The following FOXRED2 variants were observed in gnomAD, a reference collection of about 807,000 sequenced individuals.
FOXRED2 encodes the protein FAD-dependent oxidoreductase domain-containing protein 2.
In FOXRED2, 32 loss-of-function variants were observed where a neutral mutation model predicts 52.5. That is an observed-to-expected ratio of 0.61 (90% confidence interval 0.46 to 0.82). FOXRED2 has a LOEUF of 0.82. Ranked by LOEUF, FOXRED2 falls within the 40% of genes least tolerant of loss-of-function variation. The pLI is 0.00. For missense variants in FOXRED2, 848 were observed against 937.5 expected, an observed-to-expected ratio of 0.90 and a Z score of 1.25; for synonymous variants, 405 against 398.1, an observed-to-expected ratio of 1.02 and a Z score of -0.21.
chr22:36,501,996 G>A (rs1934065961), intron 4 of FOXRED2, among the ~76,000 whole-genome samples: 2 of 151,654 alleles, frequency 1.3e-5, no homozygotes, highest in South Asian at 2.1e-4. Flanking sequence ...AAACCCTGTC[G>A]CTATGAAAAA....
chr22:36,501,197 G>A lies in FOXRED2; in HGVS notation c.1216+44C>T, dbSNP rs1934031954. 1.9e-6 allele frequency: 3 copies of A among 1,597,572 alleles called. No individual in the cohort carries two copies. The Middle Eastern group carries it at 6.1e-4, about 325-fold the overall frequency. ...ATTTATAAACCCTGGGATGCTGAGAGTGGTTCCGTCTGGGGACAGTTCTGC... is the reference window on the plus strand; with the variant it reads ...ATTTATAAACCCTGGGATGCTGAGAATGGTTCCGTCTGGGGACAGTTCTGC... On this transcript the variant is annotated intron_variant, in intron 5 of 8. Coordinates refer to ENST00000397224, the MANE Select transcript of FOXRED2 (RefSeq NM_001102371.2).
Position 36,490,826 on chromosome 22 carries a change from C to T in FOXRED2, c.1796-559G>A, listed in dbSNP as rs560756457. The stretch of plus-strand genomic sequence containing the variant: ...AGCTGGTGCATGAATCAAATTTGGT[C>T]AATCATAAGATAGCTGTGGATACTT... On this transcript the variant is annotated intron_variant, in intron 8 of 8. Coordinates refer to ENST00000397224, the MANE Select transcript of FOXRED2 (RefSeq NM_001102371.2). Among the ~76,000 whole-genome samples, 3 of 152,274 alleles carry T rather than the reference C, an allele frequency of 2.0e-5. No homozygotes were observed. In the South Asian group the frequency reaches 6.2e-4, roughly 32 times the overall value.
intron 7 of FOXRED2, 26 bp downstream of exon 7, chr22:36,495,941 T>C (rs960779873): frequency 1.9e-6 from 3 of 1,609,260 alleles, no homozygotes; most frequent in South Asian, 1.1e-5. Context: ...AGCCCACAGG[T>C]TGGGGAAGGG....
chr22:36,492,412 G>A (rs1933780113), intron 8 of FOXRED2, among the ~76,000 whole-genome samples: 1 of 152,228 alleles, frequency 6.6e-6, no homozygotes, highest in African/African-American at 2.4e-5. Context: ...GTCAAACAGT[G>A]TCTAGAAAGT....
rs1441388143 is a variant in FOXRED2, at chr22:36,504,534, G to A, written c.760C>T (p.His254Tyr). The change falls in exon 3 of 9, where the codon CAC becomes TAC. Residue 254 changes from histidine to tyrosine, a missense_variant. Physicochemically the swap from His to Tyr is moderately conservative, Grantham distance 83. Transcript: ENST00000397224. ...GCCTACCTGAGGTCTCCAACGTAGT[G>A]GGTGGCCCAGGACAGACGGACCCGG... ...RSRVRLSWAT[H>Y]YVGDLRAINN... 1.2e-6 allele frequency: 2 copies of A among 1,614,024 alleles called. No homozygotes were observed. Among genetic ancestry groups the A allele is most frequent in the African/African-American group, 1.3e-5 (1 of 74,914 alleles).
At chr22:36,496,735 C>A (rs904227551) in intron 6 of FOXRED2, among the ~76,000 whole-genome samples, 2 of 152,204 alleles carry the variant, frequency 1.3e-5, no homozygotes, top group African/African-American at 4.8e-5. Context: ...AGACGCCAGG[C>A]CAAGTGGGGC....
Position 36,498,083 on chromosome 22 carries a change from T to G in FOXRED2, c.1290A>C (p.Thr430=). Residue 430 remains threonine, a synonymous_variant, in exon 6 of 9, where the codon ACA becomes ACC. Transcript: ENST00000397224. ...GCCGCACGATGGAGCTGGTCAGCTG[T>G]GTGATGGGGAGCTCAGTGGCGGGCC... The part of the protein sequence containing the change: ...VTWPATELPI[T]QLTSSIVRRV... 1.9e-6 allele frequency: 3 copies of G among 1,613,790 alleles called. No homozygotes were observed. The highest frequency in any genetic ancestry group is 2.5e-6 in the Non-Finnish European group (3 of 1,179,996).
In FOXRED2 at chr22:36,490,132, T is replaced by C. The variant is rs377753451; in HGVS notation, c.1931A>G (p.Tyr644Cys). The change falls in exon 9 of 9, where the codon TAT becomes TGT. Residue 644 changes from tyrosine (Y) to cysteine (C), a missense_variant. Physicochemically the swap from Tyr to Cys is radical, Grantham distance 194. Transcript: ENST00000397224. The part of the protein sequence containing the change: ...HRVESRLLRD[Y>C]APTGRRLEDS... ...CTCCAGGCGCCTGCCTGTGGGGGCA[T>C]AGTCCCGCAGGAGCCTGCTCTCCAC... is the stretch of plus-strand genomic sequence containing the variant. 48 of 1,613,882 alleles carry C rather than the reference T, an allele frequency of 3.0e-5. No homozygotes were observed. The highest frequency in any genetic ancestry group is 1.3e-4 in the East Asian group (6 of 44,890).
intron 3 of FOXRED2, 37 bp downstream of exon 3, chr22:36,504,478 T>C: frequency 6.2e-7 from 1 of 1,612,038 alleles, no homozygotes; most frequent in Non-Finnish European, 8.5e-7. Flanking sequence ...CACTCTGGGC[T>C]CCCAGCACAG....
At position 36,505,958 on chromosome 22, in the gene FOXRED2, T is replaced by A; in HGVS notation, c.465A>T (p.Arg155=). The change falls in exon 2 of 9, where the codon CGA becomes CGT. Residue 155 remains arginine, a synonymous_variant. Coordinates refer to ENST00000397224, the MANE Select transcript of FOXRED2 (RefSeq NM_001102371.2). ...TIAHVTLDKD[R]QAWNGHYFIL... ...TGAAGTAGTGGCCATTCCAGGCCTGTCGGTCCTTGTCCAGAGTGACGTGGG... is the reference window on the plus strand; with the variant it reads ...TGAAGTAGTGGCCATTCCAGGCCTGACGGTCCTTGTCCAGAGTGACGTGGG... The A allele has an allele frequency of 6.2e-7, 1 of 1,614,242 alleles. No homozygotes were observed. Among genetic ancestry groups the A allele is most frequent in the South Asian group, 1.1e-5 (1 of 91,088 alleles).
chr22:36,505,398 C>A (rs896899891), intron 2 of FOXRED2, among the ~76,000 whole-genome samples: 1 of 152,196 alleles, frequency 6.6e-6, no homozygotes, highest in African/African-American at 2.4e-5. Flanking sequence ...TGAGGATCGC[C>A]ATCCAGGGGA....
chr22:36,505,856 G>T, intron 2 of FOXRED2, 40 bp downstream of exon 2: 1 of 1,591,430 alleles, frequency 6.3e-7, no homozygotes. Context: ...GTGTGGGGAA[G>T]GTCCCAGCTT....
At chr22:36,492,741 C>T (rs895791227) in intron 8 of FOXRED2, among the ~76,000 whole-genome samples, 2 of 152,210 alleles carry the variant, frequency 1.3e-5, no homozygotes, top group Non-Finnish European at 2.9e-5. Flanking sequence ...TGGTCTCGAA[C>T]TCCTGACCTC....
rs777863806 is a variant in FOXRED2 at position 36,505,902 on chromosome 22, T to G, written c.521A>C (p.Gln174Pro). 1.2e-6 allele frequency: 2 copies of G among 1,611,852 alleles called. No homozygotes were observed. The highest frequency in any genetic ancestry group is 1.1e-5 in the South Asian group (1 of 91,058). ...ILTDQKGQVH[Q>P]CSVLFVATGL... ...GCTCTGGCACCGGCCTTACCTGCAC[T>G]GATGCACCTGGCCCTTCTGGTCAGT... Residue 174 changes from glutamine to proline, a missense_variant, in exon 2 of 9, where the codon CAG (glutamine) becomes CCG (proline). Gln to Pro is a moderately conservative substitution (Grantham distance 76, BLOSUM62 -1). Transcript: ENST00000397224.
intron 5 of FOXRED2, among the ~76,000 whole-genome samples, chr22:36,498,885 C>G (rs1353185596): frequency 6.6e-6 from 1 of 151,610 alleles, no homozygotes; most frequent in African/African-American, 2.4e-5. Context: ...GGTCCCTACA[C>G]TTATTATTGT....
chr22:36,497,179 CA>C lies in FOXRED2; in HGVS notation c.1382+811del, dbSNP rs200350300. On this transcript the variant is annotated intron_variant, in intron 6 of 8. Coordinates refer to ENST00000397224, the MANE Select transcript of FOXRED2 (RefSeq NM_001102371.2). ...GGCAAGACATAGTGAGACTCTGAGT[CA>C]AAAAAAAAAATTAGCCAGGCATGGT... is the stretch of plus-strand genomic sequence containing the variant. 6.6e-3 allele frequency among the ~76,000 whole-genome samples: 946 copies of C among 142,402 alleles called. 5 individuals are homozygous for C. Among genetic ancestry groups the C allele is most frequent in the Non-Finnish European group, 0.011 (735 of 64,946 alleles). The allele number at this position is 142,402 out of a possible 152,430, so 93.4% of individuals were successfully genotyped here.
chr22:36,498,278 G>A (rs879915883), intron 5 of FOXRED2, 122 bp from the exon 6 acceptor site: 3 of 1,135,508 alleles, frequency 2.6e-6, no homozygotes, highest in Admixed American at 5.2e-5. Context: ...CCATGGCCCA[G>A]CGCAAACGCC....
At chr22:36,502,561 G>C (rs1052134195) in intron 4 of FOXRED2, among the ~76,000 whole-genome samples, 4 of 152,088 alleles carry the variant, frequency 2.6e-5, no homozygotes, top group Non-Finnish European at 4.4e-5. Flanking sequence ...GCACACTGTA[G>C]CCTTGACCTC....
In FOXRED2 at chr22:36,488,468, C is replaced by T. The variant is rs1277855461; in HGVS notation, c.*1540G>A. ...AGAGACAAGGTTTTGCTATGTTGGC[C>T]AGGCTGGTCTCGAATTCCTGAGCTC... On this transcript the variant is annotated 3_prime_UTR_variant, in exon 9 of 9. Transcript: ENST00000397224. The T allele has an allele frequency of 6.6e-6, 1 of 152,130 alleles. No homozygotes were observed. The highest frequency in any genetic ancestry group is 1.9e-4 in the East Asian group (1 of 5,188). The allele number at this position is 152,130 out of a possible 1,614,324, so 9.4% of individuals were successfully genotyped here.
Sources: allele counts gnomAD v4.1 joint callset (sites outside exome capture counted in the v4.1 genomes callset), GRCh38; gene constraint gnomAD v4.1.1; transcripts MANE v1.5; gene names NCBI Gene and HGNC (gene_info 2026-07-23, HGNC 2026-07-21).